CHIC2: variants seen among roughly 807,000 people sequenced by gnomAD.
CHIC2 encodes the protein cysteine-rich hydrophobic domain-containing protein 2.
In CHIC2, 14 loss-of-function variants were observed where a neutral mutation model predicts 25.9. The observed-to-expected ratio is 0.54, with a 90% CI of 0.36 to 0.85. The LOEUF is 0.85. CHIC2 is among the 40% of genes least tolerant of loss of function. The pLI, the probability that CHIC2 is intolerant of heterozygous loss-of-function variation, is 0.01. For missense variants in CHIC2, 146 were observed against 202.0 expected (o/e 0.72, Z 1.68); for synonymous variants, 70 against 72.0 (o/e 0.97, Z 0.14).
At chr4:54,017,577 G>C (rs1282039104) in intron 3 of CHIC2, among the ~76,000 whole-genome samples, 1 of 152,036 alleles carries the variant, frequency 6.6e-6, no homozygotes, top group East Asian at 1.9e-4. Context: ...ACAGGTTAGC[G>C]GTTCTTTACC....
At chr4:54,041,422 G>A (rs1364038906) in intron 3 of CHIC2, among the ~76,000 whole-genome samples, 2 of 152,084 alleles carry the variant, frequency 1.3e-5, no homozygotes, top group Non-Finnish European at 2.9e-5. Context: ...CTGTGAAAGT[G>A]AGTGAAATGA....
chr4:54,012,483 TTA>T (rs531093615), intron 5 of CHIC2, among the ~76,000 whole-genome samples: 4 of 152,190 alleles, frequency 2.6e-5, no homozygotes, highest in Non-Finnish European at 5.9e-5. Flanking sequence ...GGGATAACTT[TTA>T]TGTTTTCCTT....
chr4:54,049,318 A>G lies in CHIC2; in HGVS notation c.120-13T>C. Reference sequence around the variant, plus strand: ...GCTCAGTCCAAATCTATTTTAAAAAATAAGAAGAATATGTTATTACATGTT... The same window carrying G: ...GCTCAGTCCAAATCTATTTTAAAAAGTAAGAAGAATATGTTATTACATGTT... On this transcript the variant is annotated splice_polypyrimidine_tract_variant and intron_variant, in intron 1 of 5. Transcript: ENST00000263921. 6.5e-7 allele frequency: 1 copy of G among 1,531,832 alleles called. No homozygotes were observed. The highest frequency in any genetic ancestry group is 9.0e-7 in the Non-Finnish European group (1 of 1,116,954). 94.9% of individuals were successfully genotyped at this position (1,531,832 alleles called of 1,614,324 possible). A position where few individuals can be genotyped will look rare whatever the true frequency, so the allele number is the denominator to read the frequency against.
intron 3 of CHIC2, among the ~76,000 whole-genome samples, chr4:54,045,329 G>T (rs906061316): frequency 6.6e-5 from 10 of 152,012 alleles, no homozygotes; most frequent in East Asian, 1.9e-4. Flanking sequence ...TACCAAAGCC[G>T]GGCAGAGACA....
intron 3 of CHIC2, among the ~76,000 whole-genome samples, chr4:54,022,953 C>A (rs1715946630): frequency 6.6e-6 from 1 of 152,170 alleles, no homozygotes; most frequent in Non-Finnish European, 1.5e-5. Flanking sequence ...TGTGCCTTAG[C>A]AACCAAATTG....
At chr4:54,082,947 T>C in the CHIC2 span, among the ~76,000 whole-genome samples, 1 of 152,072 alleles carries the variant, frequency 6.6e-6, no homozygotes, top group Non-Finnish European at 1.5e-5. Flanking sequence ...GCTTCAAATA[T>C]TATATATGCT....
At chr4:54,032,612 A>C (rs548382964) in intron 3 of CHIC2, among the ~76,000 whole-genome samples, 2 of 152,320 alleles carry the variant, frequency 1.3e-5, no homozygotes, top group South Asian at 2.1e-4. Context: ...TAAAGAGGTC[A>C]ATCACAAAAA....
chr4:54,035,507 A>C (rs2039579877), intron 3 of CHIC2, among the ~76,000 whole-genome samples: 4 of 152,284 alleles, frequency 2.6e-5, no homozygotes, highest in Admixed American at 2.6e-4. Flanking sequence ...AAGGTGTTGA[A>C]TTACAGGCAT....
At chr4:54,032,664 A>T (rs1577971546) in intron 3 of CHIC2, among the ~76,000 whole-genome samples, 1 of 152,368 alleles carries the variant, frequency 6.6e-6, no homozygotes, top group South Asian at 2.1e-4. Flanking sequence ...GCCAAAATAC[A>T]TACAGCATAA....
intron 3 of CHIC2, among the ~76,000 whole-genome samples, chr4:54,023,046 A>C (rs1305280238): frequency 3.3e-5 from 5 of 152,014 alleles, no homozygotes; most frequent in Non-Finnish European, 7.4e-5. Flanking sequence ...CTGTCCTAGC[A>C]AACCTAGCTG....
chr4:54,036,799 A>C (rs1483083147), intron 3 of CHIC2, among the ~76,000 whole-genome samples: 3 of 143,942 alleles, frequency 2.1e-5, no homozygotes, highest in Admixed American at 2.1e-4. Context: ...CACAAAAAAA[A>C]AGAAAGGAAA....
At chr4:54,028,285 T>G (rs1331489661) in intron 3 of CHIC2, among the ~76,000 whole-genome samples, 1 of 152,206 alleles carries the variant, frequency 6.6e-6, no homozygotes, top group Admixed American at 6.5e-5. Context: ...TCTCTGCTGG[T>G]AGGTATAAAG....
rs1717456114 is a variant in CHIC2 at position 54,064,588 on chromosome 4, G to GCAGCAACTCAGGAAACCA, written c.-289_-288insTGGTTTCCTGAGTTGCTG. On this transcript the variant is annotated 5_prime_UTR_variant, in exon 1 of 6. Transcript: ENST00000263921. The surrounding 1 kb of genome is among the most constrained non-coding windows in gnomAD (Gnocchi z 4.2). ...AGACGCCGCTGCCGCCGCCGCAGCA[G>GCAGCAACTCAGGAAACCA]CAGCAACTCAGGAAACCACAGCAAC... The GCAGCAACTCAGGAAACCA allele has an allele frequency of 8.0e-7, 1 of 1,245,406 alleles. No individual in the cohort carries two copies. Among genetic ancestry groups the GCAGCAACTCAGGAAACCA allele is most frequent in the Non-Finnish European group, 1.0e-6 (1 of 992,534 alleles). 77.1% of individuals were successfully genotyped at this position (1,245,406 alleles called of 1,614,324 possible). A position where few individuals can be genotyped will look rare whatever the true frequency, so the allele number is the denominator to read the frequency against.
At chr4:54,075,859 G>A in the CHIC2 span, among the ~76,000 whole-genome samples, 1 of 152,126 alleles carries the variant, frequency 6.6e-6, no homozygotes. Context: ...ATTTATATCA[G>A]TATTTACATA....
intron 3 of CHIC2, among the ~76,000 whole-genome samples, chr4:54,016,909 G>GA (rs145569251): frequency 1.2e-3 from 179 of 144,106 alleles, no homozygotes; most frequent in African/African-American, 4.0e-3. Flanking sequence ...AAATTAAATA[G>GA]AAAAAAAAAA....
At chr4:54,046,832 C>T (rs908438084) in intron 3 of CHIC2, among the ~76,000 whole-genome samples, 2 of 152,146 alleles carry the variant, frequency 1.3e-5, no homozygotes, top group Admixed American at 6.6e-5. Context: ...TTCTGCACAG[C>T]AAAAGAAACT....
intron 3 of CHIC2, among the ~76,000 whole-genome samples, chr4:54,018,109 A>G (rs1715795594): frequency 6.6e-6 from 1 of 152,160 alleles, no homozygotes; most frequent in African/African-American, 2.4e-5. Context: ...AAAAACATGA[A>G]AACGGAAAGA....
intron 3 of CHIC2, among the ~76,000 whole-genome samples, chr4:54,021,039 C>T (rs556506219): frequency 1.3e-5 from 2 of 152,200 alleles, no homozygotes; most frequent in South Asian, 2.1e-4. Context: ...TTTAAACTTA[C>T]CTTCTTCACT....
chr4:54,045,354 A>T (rs572632941), intron 3 of CHIC2, among the ~76,000 whole-genome samples: 1 of 152,334 alleles, frequency 6.6e-6, no homozygotes, highest in South Asian at 2.1e-4. Flanking sequence ...AAAAAAAGAG[A>T]ATTTTAGACC....
Sources: allele counts gnomAD v4.1 joint callset (sites outside exome capture counted in the v4.1 genomes callset), GRCh38; gene constraint gnomAD v4.1.1; non-coding constraint Gnocchi (gnomAD v3.1); transcripts MANE v1.5; gene names NCBI Gene and HGNC (gene_info 2026-07-23, HGNC 2026-07-21).